NOTCH1: variants seen among roughly 807,000 people sequenced by gnomAD.
NOTCH1 encodes the protein neurogenic locus notch homolog protein 1.
In NOTCH1, 37 loss-of-function variants were observed where a neutral mutation model predicts 254.8. The ratio of observed to expected loss-of-function variants is 0.15; its 90% CI spans 0.11 to 0.19. The LOEUF is 0.19. NOTCH1 is among the 10% of genes least tolerant of loss of function. The pLI is 1.00. For synonymous variants in NOTCH1, 1,731 were observed against 1,618.1 expected (o/e 1.07, Z -1.68); for missense variants, 2,972 against 3,708.6 (o/e 0.80, Z 5.16).
chr9:136,507,568 G>T, intron 21 of NOTCH1, 131 bp from the exon 22 acceptor site: 1 of 1,285,294 alleles, frequency 7.8e-7, no homozygotes, highest in Non-Finnish European at 1.1e-6. Flanking sequence ...CGGGCCCCTC[G>T]CTCCTGTCAG....
rs1843133572 is a variant in NOTCH1 at position 136,508,968 on chromosome 9, A to G, written c.3073T>C (p.Cys1025Arg). ...GSYCQHDVNE[C>R]DSQPCLHGGT... ...CCATGCAGGCAGGGCTGTGAGTCGC[A>G]CTCATTGACATCGTGCTGGCAGTAG... Residue 1025 changes from cysteine to arginine, a missense_variant, in exon 19 of 34, where the codon TGC becomes CGC. Physicochemically the swap from Cys to Arg is radical, Grantham distance 180. This residue lies in a region of NOTCH1 where 1,343 missense variants were observed against 1,557.0 expected (regional missense o/e 0.86). Coordinates refer to ENST00000651671, the MANE Select transcript of NOTCH1 (RefSeq NM_017617.5). 6.4e-7 allele frequency: 1 copy of G among 1,554,562 alleles called. No individual in the cohort carries two copies. Among genetic ancestry groups the G allele is most frequent in the East Asian group, 2.4e-5 (1 of 41,384 alleles).
At chr9:136,530,799 C>T (rs2133388506) in intron 2 of NOTCH1, among the ~76,000 whole-genome samples, 1 of 152,366 alleles carries the variant, frequency 6.6e-6, no homozygotes, top group African/African-American at 2.4e-5. Context: ...CCCAAGAAGA[C>T]CCAGCCCAGC....
rs1843405900 is a variant in NOTCH1 at position 136,523,333 on chromosome 9, C to T, written c.404-145G>A. 21 of 898,950 alleles carry T rather than the reference C, an allele frequency of 2.3e-5. No homozygotes were observed. In the South Asian group the frequency reaches 2.4e-4, roughly 10 times the overall value. 55.7% of individuals were successfully genotyped at this position (898,950 alleles called of 1,614,324 possible). A position where few individuals can be genotyped will look rare whatever the true frequency, so the allele number is the denominator to read the frequency against. On this transcript the variant is annotated intron_variant, in intron 3 of 33. Transcript: ENST00000651671. ...TGATCCTCAGGACCTGCCGTGAGACCGGTCGCCTTTGGCAGATGAAGGACC... is the reference window on the plus strand; with the variant it reads ...TGATCCTCAGGACCTGCCGTGAGACTGGTCGCCTTTGGCAGATGAAGGACC...
Position 136,498,816 on chromosome 9 carries a change from T to C in NOTCH1, c.6180+83A>G, listed in dbSNP as rs535174196. On this transcript the variant is annotated intron_variant, in intron 33 of 33. Transcript: ENST00000651671. ...AGACCCTGTGGGTCAGGCCCTTGTG[T>C]CCCTGCGCCCCGTGGGTTTGGCCCT... The C allele has an allele frequency of 1.3e-4, 189 of 1,505,512 alleles. No individual in the cohort carries two copies. The African/African-American group carries it at 2.4e-3, about 19-fold the overall frequency. 93.3% of individuals were successfully genotyped at this position (1,505,512 alleles called of 1,614,324 possible).
At chr9:136,508,409 G>A (rs984341560) in intron 19 of NOTCH1, 24 bp from the exon 20 acceptor site, 11 of 1,612,698 alleles carry the variant, frequency 6.8e-6, no homozygotes, top group African/African-American at 1.3e-5. Context: ...GGGGTCAGCT[G>A]GGTGCCCGCG....
At chr9:136,515,056 C>A (rs1843242061) in intron 12 of NOTCH1, among the ~76,000 whole-genome samples, 1 of 152,210 alleles carries the variant, frequency 6.6e-6, no homozygotes, top group South Asian at 2.1e-4. Context: ...GCCTGCTGGG[C>A]CACTCTGCCA....
intron 2 of NOTCH1, among the ~76,000 whole-genome samples, chr9:136,528,102 C>T (rs1181715999): frequency 6.6e-6 from 1 of 151,820 alleles, no homozygotes; most frequent in Non-Finnish European, 1.5e-5. Flanking sequence ...AGACAGTTCC[C>T]TCCGCCCCAA....
Position 136,495,145 on chromosome 9 carries a change from G to A in NOTCH1, c.*926C>T. 2.5e-6 allele frequency: 1 copy of A among 399,132 alleles called. No individual in the cohort carries two copies. The highest frequency in any genetic ancestry group is 4.4e-6 in the Non-Finnish European group (1 of 226,092). 24.7% of individuals were successfully genotyped at this position (399,132 alleles called of 1,614,324 possible). ...GGCTGAGGTGCTGGGGCCGCCACCG[G>A]GGTCAGCCCAGGCAGTGTCTTTCCC... On this transcript the variant is annotated 3_prime_UTR_variant, in exon 34 of 34. Transcript: ENST00000651671.
intron 15 of NOTCH1, among the ~76,000 whole-genome samples, chr9:136,511,814 C>T (rs567131504): frequency 3.3e-5 from 5 of 152,352 alleles, no homozygotes; most frequent in South Asian, 2.1e-4. Flanking sequence ...GCACATCCTG[C>T]GTGTCGGGGC....
At chr9:136,497,855 A>G (rs1369177406) in intron 33 of NOTCH1, among the ~76,000 whole-genome samples, 1 of 152,190 alleles carries the variant, frequency 6.6e-6, no homozygotes, top group Non-Finnish European at 1.5e-5. Context: ...CTGAAAATCT[A>G]ACCAACTGCA....
At chr9:136,523,230 TCC>T in intron 3 of NOTCH1, 42 bp from the exon 4 acceptor site, 1 of 1,544,676 alleles carries the variant, frequency 6.5e-7, no homozygotes, top group Non-Finnish European at 8.7e-7. Context: ...GCCTCACTGC[TCC>T]CCGAGGCCGG....
chr9:136,529,508 C>T (rs565359719), intron 2 of NOTCH1, among the ~76,000 whole-genome samples: 4 of 152,344 alleles, frequency 2.6e-5, no homozygotes, highest in African/African-American at 4.8e-5. Flanking sequence ...CCCACTGGAA[C>T]GGCCAAGCAG....
chr9:136,545,792 C>A lies in NOTCH1; in HGVS notation c.-6G>T, dbSNP rs1589085071. 1.5e-6 allele frequency: 2 copies of A among 1,323,040 alleles called. No homozygotes were observed. The highest frequency in any genetic ancestry group is 1.9e-6 in the Non-Finnish European group (2 of 1,036,034). The allele number at this position is 1,323,040 out of a possible 1,614,324, so 82.0% of individuals were successfully genotyped here. The stretch of plus-strand genomic sequence containing the variant: ...GGCGCCAGGAGCGGCGGCATGCCTC[C>A]CCACCGGCTGCCCTCTGCGCCCGGG... On this transcript the variant is annotated 5_prime_UTR_variant, in exon 1 of 34. Coordinates refer to ENST00000651671, the MANE Select transcript of NOTCH1 (RefSeq NM_017617.5). The surrounding 1 kb of genome is among the most constrained non-coding windows in gnomAD (Gnocchi z 6.8).
chr9:136,507,266 T>C (rs1843103451), intron 22 of NOTCH1, 39 bp downstream of exon 22: 3 of 1,612,618 alleles, frequency 1.9e-6, no homozygotes, highest in African/African-American at 1.3e-5. Flanking sequence ...GCCCTGGCCA[T>C]GGATGGCCAA....
rs1261171273 is a variant in NOTCH1 at position 136,494,743 on chromosome 9, C to T, written c.*1328G>A. ...CCCCGAGCTGAGCCAAGTCTGACGTCCCTCACTGGCATGACACACAACAGA... is the reference window on the plus strand; with the variant it reads ...CCCCGAGCTGAGCCAAGTCTGACGTTCCTCACTGGCATGACACACAACAGA... On this transcript the variant is annotated 3_prime_UTR_variant, in exon 34 of 34. Coordinates refer to ENST00000651671, the MANE Select transcript of NOTCH1 (RefSeq NM_017617.5). 5 of 398,600 alleles carry T rather than the reference C, an allele frequency of 1.3e-5. No individual in the cohort carries two copies. The Admixed American group carries it at 1.3e-4, about 11-fold the overall frequency. 24.7% of individuals were successfully genotyped at this position (398,600 alleles called of 1,614,324 possible). A position where few individuals can be genotyped will look rare whatever the true frequency, so the allele number is the denominator to read the frequency against.
chr9:136,497,794 T>G (rs912270306), intron 33 of NOTCH1, among the ~76,000 whole-genome samples: 2 of 152,116 alleles, frequency 1.3e-5, no homozygotes, highest in African/African-American at 4.8e-5. Flanking sequence ...TGTGCAGTCC[T>G]CTACCCTAGA....
intron 3 of NOTCH1, among the ~76,000 whole-genome samples, chr9:136,523,515 C>G (rs980144087): frequency 6.6e-6 from 1 of 152,190 alleles, no homozygotes; most frequent in Non-Finnish European, 1.5e-5. Context: ...GAAGCGGGGA[C>G]AGCAAGAGTT....
At position 136,496,013 on chromosome 9, in the gene NOTCH1, C is replaced by A. The variant is rs543505670; in HGVS notation, c.*58G>T. 1 of 1,552,904 alleles carries A rather than the reference C, an allele frequency of 6.4e-7. No individual in the cohort carries two copies. Among genetic ancestry groups the A allele is most frequent in the Admixed American group, 1.9e-5 (1 of 52,780 alleles). Reference sequence around the variant, plus strand: ...CTGGTCGGCCCTGGCATCCACAGAGCGCACACAGACGCCCGAAGGCTTGGG... The same window carrying A: ...CTGGTCGGCCCTGGCATCCACAGAGAGCACACAGACGCCCGAAGGCTTGGG... On this transcript the variant is annotated 3_prime_UTR_variant, in exon 34 of 34. Transcript: ENST00000651671.
At chr9:136,507,187 A>G in intron 22 of NOTCH1, 118 bp downstream of exon 22, 1 of 1,568,730 alleles carries the variant, frequency 6.4e-7, no homozygotes. Flanking sequence ...GGCCTCACAC[A>G]GGAAAATGGG....
Sources: allele counts gnomAD v4.1 joint callset (sites outside exome capture counted in the v4.1 genomes callset), GRCh38; gene constraint gnomAD v4.1.1; regional missense constraint gnomAD v4.1.1; non-coding constraint Gnocchi (gnomAD v3.1); transcripts MANE v1.5; gene names NCBI Gene and HGNC (gene_info 2026-07-23, HGNC 2026-07-21).